DGKI: variants seen among roughly 807,000 people sequenced by gnomAD.
DGKI encodes diacylglycerol kinase iota.
A neutral mutation model predicts 147.5 loss-of-function variants in DGKI; 55 were observed. That is an observed-to-expected ratio of 0.37 (90% CI 0.30 to 0.47). The LOEUF is 0.47. Among genes scored for constraint, DGKI ranks in the 20% least tolerant of loss-of-function variants. The pLI, the probability that DGKI is intolerant of heterozygous loss-of-function variation, is 1.00. For missense variants in DGKI, 1,007 were observed against 1,323.8 expected (o/e 0.76, Z 3.71); for synonymous variants, 469 against 477.1 (o/e 0.98, Z 0.22).
intron 19 of DGKI, among the ~76,000 whole-genome samples, chr7:137,561,832 G>T (rs1818430221): frequency 2.0e-5 from 3 of 151,980 alleles, no homozygotes; most frequent in Admixed American, 6.6e-5. Flanking sequence ...AAATATGGAG[G>T]CCAGAAGAAA....
At chr7:137,720,418 T>C (rs981493936) in intron 1 of DGKI, among the ~76,000 whole-genome samples, 2 of 151,942 alleles carry the variant, frequency 1.3e-5, no homozygotes, top group African/African-American at 2.4e-5. Context: ...CCATCGCGCC[T>C]GGCTAATTTT....
At chr7:137,425,759 C>A (rs1563011423) in intron 28 of DGKI, among the ~76,000 whole-genome samples, 1 of 152,292 alleles carries the variant, frequency 6.6e-6, no homozygotes, top group Admixed American at 6.5e-5. Context: ...AATCCAGAAG[C>A]CTCGGGAGCC....
chr7:137,597,093 T>C (rs1437122138), intron 12 of DGKI, among the ~76,000 whole-genome samples: 2 of 152,198 alleles, frequency 1.3e-5, no homozygotes, highest in Admixed American at 6.5e-5. Context: ...ATCCATGATA[T>C]TAACCTTCAG....
intron 21 of DGKI, among the ~76,000 whole-genome samples, chr7:137,490,629 T>C (rs918929352): frequency 2.0e-5 from 3 of 152,216 alleles, no homozygotes; most frequent in Non-Finnish European, 4.4e-5. Flanking sequence ...GGCCTTTACA[T>C]GGCGAAGAAA....
intron 19 of DGKI, among the ~76,000 whole-genome samples, chr7:137,564,650 C>T (rs921256475): frequency 1.3e-5 from 2 of 152,212 alleles, no homozygotes; most frequent in African/African-American, 4.8e-5. Context: ...ACATAATTGT[C>T]TGTTCCAGAA....
intron 28 of DGKI, among the ~76,000 whole-genome samples, chr7:137,437,781 C>A (rs774121915): frequency 4.2e-4 from 64 of 152,114 alleles, no homozygotes; most frequent in Non-Finnish European, 1.0e-4. Context: ...TAGATATATT[C>A]ATCAATATAA....
Position 137,585,265 on chromosome 7 carries a change from G to C in DGKI, c.1507C>G (p.His503Asp), listed in dbSNP as rs1489760555. 8 of 1,614,018 alleles carry C rather than the reference G, an allele frequency of 5.0e-6. No individual in the cohort carries two copies. Among genetic ancestry groups the C allele is most frequent in the Non-Finnish European group, 6.8e-6 (8 of 1,180,026 alleles). ...GGCAAGTCGGGGTTTCTTTCCACAT[G>C]GAGGTTCCAGCGATCTAGCTGTACA... ...TVVQLDRWNLHVERNPDLPPE... is the reference protein window; with the variant it reads ...TVVQLDRWNLDVERNPDLPPE... Residue 503 changes from histidine (H) to aspartate (D), a missense_variant, in exon 14 of 33, where the codon CAT becomes GAT. Transcript: ENST00000614521.
rs566455425 is a variant in DGKI, at chr7:137,401,911, T to C, written c.2921-4498A>G. 4.8e-4 allele frequency among the ~76,000 whole-genome samples: 73 copies of C among 152,334 alleles called. 2 individuals carry two copies. In the South Asian group the frequency reaches 8.3e-3, roughly 17 times the overall value. On this transcript the variant is annotated intron_variant, in intron 30 of 32. Coordinates refer to ENST00000614521, the MANE Select transcript of DGKI (RefSeq NM_001321708.2). ...TGTCATTTGAACTCTGCTTACGACA[T>C]TCACGTGGTGCCACCCTGCATTGTG...
intron 1 of DGKI, among the ~76,000 whole-genome samples, chr7:137,782,698 G>A (rs1039680100): frequency 6.6e-6 from 1 of 152,166 alleles, no homozygotes; most frequent in African/African-American, 2.4e-5. Flanking sequence ...CAAAACCAGT[G>A]CACTAAACAA....
At chr7:137,598,159 G>A (rs1299103527) in intron 11 of DGKI, among the ~76,000 whole-genome samples, 1 of 152,130 alleles carries the variant, frequency 6.6e-6, no homozygotes, top group African/African-American at 2.4e-5. Context: ...ATTTTAGGAT[G>A]TCCTAGTTTT....
At chr7:137,825,719 C>T (rs894317329) in intron 1 of DGKI, among the ~76,000 whole-genome samples, 7 of 151,214 alleles carry the variant, frequency 4.6e-5, no homozygotes, top group Non-Finnish European at 1.0e-4. Flanking sequence ...CACACACATA[C>T]ACACACACAC....
chr7:137,433,426 A>T lies in DGKI; in HGVS notation c.2761+10651T>A, dbSNP rs370237623. ...TGCAAGAGGAGGCCACCAAAACGAT[A>T]AAACAAGCTCTAGGTAGAGGAGAAG... On this transcript the variant is annotated intron_variant, in intron 28 of 32. Transcript: ENST00000614521. 7.2e-5 allele frequency among the ~76,000 whole-genome samples: 11 copies of T among 152,340 alleles called. No individual in the cohort carries two copies. In the East Asian group the frequency reaches 2.1e-3, roughly 29 times the overall value.
chr7:137,619,825 T>C lies in DGKI; in HGVS notation c.992A>G (p.Gln331Arg). 1.9e-6 allele frequency: 3 copies of C among 1,611,984 alleles called. No homozygotes were observed. The highest frequency in any genetic ancestry group is 2.5e-6 in the Non-Finnish European group (3 of 1,178,428). ...CAGCACCAGAGTCCTGGCAGTTACC[T>C]GAGGTTTCTTCACCTTAATGATCCA... Reference protein sequence around the residue: ...PTWIIKVKKPQNSLKASNRKK... With the variant: ...PTWIIKVKKPRNSLKASNRKK... The change falls in exon 8 of 33, where the codon CAG (glutamine) becomes CGG (arginine). Residue 331 changes from glutamine to arginine, a missense_variant and splice_region_variant. This residue lies in a region of DGKI where 259 missense variants were observed against 362.5 expected (regional missense o/e 0.71). Coordinates refer to ENST00000614521, the MANE Select transcript of DGKI (RefSeq NM_001321708.2).
chr7:137,705,659 G>GTA (rs1793996589), intron 1 of DGKI, among the ~76,000 whole-genome samples: 1 of 151,906 alleles, frequency 6.6e-6, no homozygotes, highest in African/African-American at 2.4e-5. Context: ...TTATACAACT[G>GTA]TACACATTTG....
At chr7:137,534,770 C>T (rs1018028113) in intron 20 of DGKI, among the ~76,000 whole-genome samples, 3 of 152,022 alleles carry the variant, frequency 2.0e-5, no homozygotes, top group Non-Finnish European at 2.9e-5. Context: ...CAGTATGATG[C>T]TGTTATGTAC....
At chr7:137,602,022 C>T (rs1027021189) in intron 10 of DGKI, among the ~76,000 whole-genome samples, 2 of 152,130 alleles carry the variant, frequency 1.3e-5, no homozygotes, top group African/African-American at 4.8e-5. Context: ...AGATCATTTT[C>T]CCTCTTCTCA....
At chr7:137,438,305 G>T (rs1464196392) in intron 28 of DGKI, among the ~76,000 whole-genome samples, 1 of 151,952 alleles carries the variant, frequency 6.6e-6, no homozygotes, top group East Asian at 1.9e-4. Flanking sequence ...AAACACAAAT[G>T]GCCCATAAGT....
Position 137,467,925 on chromosome 7 carries a change from G to A in DGKI, c.2444-983C>T, listed in dbSNP as rs562956099. Among the ~76,000 whole-genome samples, 13 of 151,442 alleles carry A rather than the reference G, an allele frequency of 8.6e-5. No homozygotes were observed. The East Asian group carries it at 1.2e-3, about 14-fold the overall frequency. ...CCTGAGCCCAGGAGTTCAAGGCTGCGGTGAACCATGATCATGCCACTGCAC... is the reference window on the plus strand; with the variant it reads ...CCTGAGCCCAGGAGTTCAAGGCTGCAGTGAACCATGATCATGCCACTGCAC... On this transcript the variant is annotated intron_variant, in intron 24 of 32. Transcript: ENST00000614521.
At chr7:137,399,736 C>G (rs1811681124) in intron 30 of DGKI, among the ~76,000 whole-genome samples, 1 of 152,126 alleles carries the variant, frequency 6.6e-6, no homozygotes. Context: ...ATGGTGGAAC[C>G]CCGTCTCTAC....
Sources: allele counts gnomAD v4.1 joint callset (sites outside exome capture counted in the v4.1 genomes callset), GRCh38; gene constraint gnomAD v4.1.1; regional missense constraint gnomAD v4.1.1; transcripts MANE v1.5; gene names NCBI Gene and HGNC (gene_info 2026-07-23, HGNC 2026-07-21).